Variants in ARSD observed in about 807,000 individuals in gnomAD.
ARSD encodes arylsulfatase D, also known as testis tissue sperm-binding protein Li 39a.
ARSD carries 21 observed loss-of-function variants against 32.6 expected under a neutral mutation model. The observed-to-expected ratio is 0.64, with a 90% CI of 0.46 to 0.93. ARSD has a LOEUF of 0.93. ARSD is among the 40% of genes least tolerant of loss of function. The probability of loss-of-function intolerance (pLI) is 0.00; values close to 1 mark genes in which losing one functional copy is unlikely to be tolerated. For synonymous variants in ARSD, 224 were observed against 237.4 expected (o/e 0.94, Z 0.52); for missense variants, 454 against 520.9 (o/e 0.87, Z 1.25).
rs775747195 is a variant in ARSD at position 2,922,769 on chromosome X, C to T, written c.195-745G>A. 1.8e-3 allele frequency among the ~76,000 whole-genome samples: 163 copies of T among 92,073 alleles called. 2 individuals are homozygous for T. The highest frequency in any genetic ancestry group is 6.9e-3 in the African/African-American group (161 of 23,496). 80.0% of individuals were successfully genotyped at this position (92,073 alleles called of 115,157 possible). A position where few individuals can be genotyped will look rare whatever the true frequency, so the allele number is the denominator to read the frequency against. On this transcript the variant is annotated intron_variant, in intron 2 of 9. Coordinates refer to ENST00000381154, the MANE Select transcript of ARSD (RefSeq NM_001669.4). ...AGGAGAATCGCTTGAGCCCAGGAGG[C>T]GGAGGTTGCAGTAAGCCGAGATTGC... is the stretch of plus-strand genomic sequence containing the variant.
At position 2,925,630 on chromosome X, in the gene ARSD, C is replaced by T. The variant is rs528790231; in HGVS notation, c.180G>A (p.Gly60=). The T allele has an allele frequency of 1.7e-6, 2 of 1,207,871 alleles. No homozygotes were observed. Among genetic ancestry groups the T allele is most frequent in the Middle Eastern group, 2.5e-4 (1 of 3,985 alleles). ...DLGTGDLGCY[G]NNTLRTPNID... is the part of the protein sequence containing the mutation. ...ACCAACTGTACCTCAGTGTATTGTT[C>T]CCGTAGCAACCGAGATCCCCAGTGC... Residue 60 remains glycine (G), a synonymous_variant, in exon 2 of 10, where the codon GGG becomes GGA. Coordinates refer to ENST00000381154, the MANE Select transcript of ARSD (RefSeq NM_001669.4).
At chrX:2,925,469 G>C (rs2089073728) in intron 2 of ARSD, 147 bp downstream of exon 2, 2 of 593,119 alleles carry the variant, frequency 3.4e-6, no homozygotes, top group Non-Finnish European at 5.0e-6. Flanking sequence ...AGTTCCGCAT[G>C]GTTTAAAAGG....
At chrX:2,911,345 C>T (rs1206008050) in intron 6 of ARSD, among the ~76,000 whole-genome samples, 1 of 108,805 alleles carries the variant, frequency 9.2e-6, no homozygotes, top group Non-Finnish European at 1.9e-5. Context: ...TGCACTCCAG[C>T]GAGGGTGACA....
Position 2,925,691 on chromosome X carries a change from T to G in ARSD, c.119A>C (p.Lys40Thr), listed in dbSNP as rs2089076220. The G allele has an allele frequency of 8.3e-7, 1 of 1,208,310 alleles. No homozygotes were observed. Among genetic ancestry groups the G allele is most frequent in the African/African-American group, 1.8e-5 (1 of 56,992 alleles). Reference protein sequence around the residue: ...TCEPKTANAFKPNILLIMADD... With the variant: ...TCEPKTANAFTPNILLIMADD... ...CGCCATGATCAGTAGGATATTTGGT[T>G]TAAAGGCATTTGCAGTTTTAGGTTC... is the stretch of plus-strand genomic sequence containing the variant. The change falls in exon 2 of 10, where the codon AAA becomes ACA. Residue 40 changes from lysine (K) to threonine (T), a missense_variant. By Grantham distance (78) the Lys-to-Thr change is moderately conservative (BLOSUM62 -1). This residue lies in a region of ARSD where 271 missense variants were observed against 301.0 expected (regional missense o/e 0.90). Coordinates refer to ENST00000381154, the MANE Select transcript of ARSD (RefSeq NM_001669.4).
intron 6 of ARSD, chrX:2,913,359 CG>C (rs952730160): frequency 1.2e-5 from 2 of 168,298 alleles, no homozygotes; most frequent in South Asian, 2.8e-4. Context: ...GTTCATGCTG[CG>C]GGGGGTAGAA....
intron 6 of ARSD, among the ~76,000 whole-genome samples, chrX:2,911,453 G>T (rs1211495165): frequency 9.2e-6 from 1 of 108,355 alleles, no homozygotes; most frequent in African/African-American, 3.4e-5. Context: ...GGTGGATTAC[G>T]AGGTCAGGAG....
At chrX:2,908,583 T>TATTTCTA (rs2147306037) in intron 9 of ARSD, 138 bp downstream of exon 9, 1 of 509,774 alleles carries the variant, frequency 2.0e-6, no homozygotes, top group African/African-American at 2.7e-5. Flanking sequence ...TATCTATCTC[T>TATTTCTA]ATTTCTATAG....
chrX:2,910,012 G>A (rs764134775), intron 7 of ARSD, 33 bp from the exon 8 acceptor site: 32 of 1,205,188 alleles, frequency 2.7e-5, no homozygotes, highest in South Asian at 7.1e-5. Flanking sequence ...GGATTTTGCC[G>A]GAAACTGCCC....
At chrX:2,922,267 G>A (rs2089036547) in intron 2 of ARSD, among the ~76,000 whole-genome samples, 1 of 110,605 alleles carries the variant, frequency 9.0e-6, no homozygotes, top group Admixed American at 9.7e-5. Flanking sequence ...AAGTATATGA[G>A]ACAATTTATG....
At position 2,913,798 on chromosome X, in the gene ARSD, C is replaced by T. The variant is rs1294661049; in HGVS notation, c.1000+1758G>A. ...GTGGAATTGTCATCCTCAGAATCGG[C>T]GGTGGGGCCTGGGGGGAGGTGACTG... On this transcript the variant is annotated intron_variant, in intron 6 of 9. Coordinates refer to ENST00000381154, the MANE Select transcript of ARSD (RefSeq NM_001669.4). The T allele has an allele frequency of 1.7e-5, 14 of 843,050 alleles. No individual in the cohort carries two copies. In the East Asian group the frequency reaches 4.2e-4, roughly 25 times the overall value. The allele number at this position is 843,050 out of a possible 1,213,427, so 69.5% of individuals were successfully genotyped here.
intron 4 of ARSD, among the ~76,000 whole-genome samples, chrX:2,918,735 G>A (rs1315575798): frequency 9.1e-6 from 1 of 109,847 alleles, no homozygotes; most frequent in Non-Finnish European, 1.9e-5. Flanking sequence ...GCCAGACTCC[G>A]TCTCAAAAAA....
chrX:2,909,692 A>C, intron 8 of ARSD, 125 bp downstream of exon 8: 1 of 595,678 alleles, frequency 1.7e-6, no homozygotes, highest in South Asian at 5.2e-5. Context: ...TCAAAAAAAA[A>C]AAAAAAAAAA....
chrX:2,914,094 T>C (rs2088928000), intron 6 of ARSD: 4 of 723,415 alleles, frequency 5.5e-6, no homozygotes, highest in Non-Finnish European at 6.6e-6. Flanking sequence ...CTTTATAAAT[T>C]ACCCAGTCTC....
intron 1 of ARSD, among the ~76,000 whole-genome samples, chrX:2,928,415 G>A (rs1380157164): frequency 1.0e-5 from 1 of 98,139 alleles, no homozygotes; most frequent in East Asian, 3.3e-4. Context: ...GCCGTGCTTG[G>A]GAGGATGGGG....
At chrX:2,925,227 G>T (rs1420987251) in intron 2 of ARSD, among the ~76,000 whole-genome samples, 31 of 111,641 alleles carry the variant, frequency 2.8e-4, no homozygotes, top group African/African-American at 9.4e-4. Flanking sequence ...AGAGGAGAAG[G>T]CCCCGTGGAG....
intron 1 of ARSD, among the ~76,000 whole-genome samples, chrX:2,926,309 A>G (rs1385505404): frequency 9.0e-6 from 1 of 111,621 alleles, no homozygotes; most frequent in African/African-American, 3.3e-5. Context: ...TTAGTCCCCA[A>G]CAAAGCTTGT....
intron 6 of ARSD, among the ~76,000 whole-genome samples, chrX:2,912,635 C>A (rs144338129): frequency 9.0e-6 from 1 of 111,548 alleles, no homozygotes; most frequent in East Asian, 2.8e-4. Context: ...ACACACAACG[C>A]CAAGAGGTTG....
At chrX:2,914,467 T>A (rs1389996535) in intron 6 of ARSD, 1 of 752,933 alleles carries the variant, frequency 1.3e-6, no homozygotes. Flanking sequence ...CTTGAACTCC[T>A]GGTCTCAAGC....
intron 9 of ARSD, 125 bp from the exon 10 acceptor site, chrX:2,907,757 G>A (rs1603460965): frequency 1.9e-6 from 2 of 1,049,138 alleles, no homozygotes; most frequent in East Asian, 3.5e-5. Context: ...GGAGGGACAC[G>A]AGGCAGTCCA....
Sources: allele counts gnomAD v4.1 joint callset (sites outside exome capture counted in the v4.1 genomes callset), GRCh38; gene constraint gnomAD v4.1.1; regional missense constraint gnomAD v4.1.1; transcripts MANE v1.5; gene names NCBI Gene and HGNC (gene_info 2026-07-23, HGNC 2026-07-21).